Variants in LIPA observed in about 807,000 individuals in gnomAD.
LIPA encodes lysosomal acid lipase/cholesteryl ester hydrolase.
A neutral mutation model predicts 40.6 loss-of-function variants in LIPA; 26 were observed. That is an observed-to-expected ratio of 0.64 (90% CI 0.47 to 0.89). The LOEUF (loss-of-function observed/expected upper bound fraction) is 0.89. Among genes scored for constraint, LIPA ranks in the 40% least tolerant of loss-of-function variants. LIPA has a pLI of 0.00. For synonymous variants in LIPA, 188 were observed against 168.4 expected (o/e 1.12, Z -0.90); for missense variants, 455 against 479.6 (o/e 0.95, Z 0.48).
At chr10:89,277,630 A>C (rs914893134) in intron 1 of LIPA, among the ~76,000 whole-genome samples, 1 of 152,218 alleles carries the variant, frequency 6.6e-6, no homozygotes, top group Non-Finnish European at 1.5e-5. Flanking sequence ...TTCCCTAAAA[A>C]ATACAGAGAA....
intron 1 of LIPA, among the ~76,000 whole-genome samples, chr10:89,318,069 A>G (rs993989903): frequency 2.0e-5 from 3 of 152,240 alleles, no homozygotes; most frequent in Non-Finnish European, 2.9e-5. Flanking sequence ...TGAAGGAAGC[A>G]CTAAACATGG....
chr10:89,405,190 G>T (rs1414556640), intron 2 of LIPA: 3 of 151,920 alleles, frequency 2.0e-5, no homozygotes, highest in Non-Finnish European at 4.4e-5. Context: ...ATGTGAAAGG[G>T]TTCCAAGGAG....
intron 1 of LIPA, chr10:89,283,647 A>T (rs1164322257): frequency 1.3e-5 from 2 of 152,212 alleles, no homozygotes; most frequent in Non-Finnish European, 2.9e-5. Flanking sequence ...CAGAAAGATT[A>T]AAGCTCTCCC....
At chr10:89,403,830 G>A in intron 2 of LIPA, 2 of 628,746 alleles carry the variant, frequency 3.2e-6, no homozygotes, top group Non-Finnish European at 5.4e-6. Flanking sequence ...TGTAATTCTT[G>A]AATAATAAAT....
intron 2 of LIPA, 78 bp downstream of exon 2, chr10:89,247,460 G>T: frequency 1.3e-6 from 1 of 771,426 alleles, no homozygotes. Flanking sequence ...GAATGTATGG[G>T]TATGGCTTCA....
At chr10:89,262,545 A>G (rs1343645826) in intron 1 of LIPA, among the ~76,000 whole-genome samples, 2 of 152,208 alleles carry the variant, frequency 1.3e-5, no homozygotes, top group Admixed American at 6.5e-5. Flanking sequence ...TGACATTTTT[A>G]TATCTTCATT....
Position 89,368,667 on chromosome 10 carries a change from G to A in LIPA, c.61+44124C>T, listed in dbSNP as rs144510031. On this transcript the variant is annotated intron_variant, in intron 2 of 8. Coordinates refer to the LIPA transcript ENST00000371837. ...TAAGATATAAACATGGTGACAAAAA[G>A]CAAATTAAAATTAAGATGGTGAGAG... Among the ~76,000 whole-genome samples, 1,373 of 152,186 alleles carry A rather than the reference G, an allele frequency of 9.0e-3. 10 individuals carry two copies. The highest frequency in any genetic ancestry group is 0.024 in the Middle Eastern group (7 of 294).
chr10:89,346,356 A>G (rs895584234), upstream of LIPA, among the ~76,000 whole-genome samples: 1 of 152,186 alleles, frequency 6.6e-6, no homozygotes, highest in African/African-American at 2.4e-5. Flanking sequence ...TTCAAATTTT[A>G]CCAGTTGTCC....
At chr10:89,266,511 A>G (rs1014898306) in intron 1 of LIPA, among the ~76,000 whole-genome samples, 2 of 152,240 alleles carry the variant, frequency 1.3e-5, no homozygotes, top group South Asian at 4.1e-4. Flanking sequence ...TATAAGGTGT[A>G]TATGAAACAC....
chr10:89,337,176 G>A (rs890934954), intron 1 of LIPA, among the ~76,000 whole-genome samples: 1 of 152,130 alleles, frequency 6.6e-6, no homozygotes, highest in African/African-American at 2.4e-5. Context: ...ATAACATGTT[G>A]GCAGACATAT....
intron 1 of LIPA, chr10:89,292,381 A>T (rs1484123880): frequency 6.6e-6 from 1 of 152,250 alleles, no homozygotes; most frequent in Non-Finnish European, 1.5e-5. Flanking sequence ...AATAAAAAGA[A>T]AAAAAGGATC....
chr10:89,273,224 A>C (rs1464584911), intron 1 of LIPA, among the ~76,000 whole-genome samples: 1 of 151,900 alleles, frequency 6.6e-6, no homozygotes, highest in Admixed American at 6.6e-5. Context: ...AACTTGATAC[A>C]TTTTCTAGAG....
intron 6 of LIPA, 118 bp from the exon 7 acceptor site, chr10:89,223,948 G>A (rs1842734990): frequency 9.9e-7 from 1 of 1,014,294 alleles, no homozygotes; most frequent in East Asian, 2.4e-5. Flanking sequence ...GGCCTCAGGA[G>A]AGAATGGCAA....
In LIPA at chr10:89,411,799, G is replaced by A. The variant is rs143460821; in HGVS notation, c.61+992C>T. On this transcript the variant is annotated intron_variant, in intron 2 of 8. Transcript: ENST00000371837. ...GGGATAGCACGAGATGCCACCCGGT[G>A]TTTACAGGAAAAGGCTTCTGAAATC... Among the ~76,000 whole-genome samples the A allele has an allele frequency of 9.6e-3, 1,463 of 152,262 alleles. 21 individuals are homozygous for A. The highest frequency in any genetic ancestry group is 0.033 in the African/African-American group (1,365 of 41,544).
intron 1 of LIPA, chr10:89,307,434 C>A: frequency 7.3e-7 from 1 of 1,362,788 alleles, no homozygotes; most frequent in Non-Finnish European, 1.0e-6. Flanking sequence ...ATTCCTCCAC[C>A]AAGTTGGTAT....
intron 2 of LIPA, among the ~76,000 whole-genome samples, chr10:89,361,670 A>G (rs954849044): frequency 6.6e-6 from 1 of 152,108 alleles, no homozygotes; most frequent in African/African-American, 2.4e-5. Context: ...CAAGCAGACA[A>G]AATGCATTTG....
chr10:89,247,379 C>CAAAAAAA (rs71022556), intron 2 of LIPA, among the ~76,000 whole-genome samples, 159 bp downstream of exon 2: 10 of 75,452 alleles, frequency 1.3e-4, no homozygotes, highest in Admixed American at 1.7e-4. Context: ...GACTCTGCCT[C>CAAAAAAA]AAAAAAAAAA....
chr10:89,402,344 GGA>G, intron 2 of LIPA: 1 of 1,614,106 alleles, frequency 6.2e-7, no homozygotes, highest in Non-Finnish European at 8.5e-7. Flanking sequence ...ACTTTACATG[GGA>G]GTTATCCATT....
intron 2 of LIPA, among the ~76,000 whole-genome samples, chr10:89,399,686 G>A (rs1844394443): frequency 6.6e-6 from 1 of 152,078 alleles, no homozygotes; most frequent in Non-Finnish European, 1.5e-5. Context: ...CATTGTTATG[G>A]AATGAATTGT....
Sources: allele counts gnomAD v4.1 joint callset (sites outside exome capture counted in the v4.1 genomes callset), GRCh38; gene constraint gnomAD v4.1.1; transcripts MANE v1.5; gene names NCBI Gene and HGNC (gene_info 2026-07-23, HGNC 2026-07-21).